NSD1: variants seen among roughly 807,000 people sequenced by gnomAD.
NSD1 encodes nuclear receptor binding SET domain protein 1, also known as histone-lysine N-methyltransferase, H3 lysine-36 specific.
A neutral mutation model predicts 242.7 loss-of-function variants in NSD1; 26 were observed. The ratio of observed to expected loss-of-function variants is 0.11; its 90% CI spans 0.08 to 0.15. The LOEUF (loss-of-function observed/expected upper bound fraction) is 0.15, where lower values mean the gene tolerates loss of function less well. NSD1 is among the 10% of genes least tolerant of loss of function. NSD1 has a pLI of 1.00. For missense variants in NSD1, 2,495 were observed against 3,272.8 expected (o/e 0.76, Z 5.80); for synonymous variants, 1,106 against 1,178.1 (o/e 0.94, Z 1.25).
chr5:177,139,216 A>G (rs1756602012), intron 2 of NSD1, among the ~76,000 whole-genome samples: 1 of 150,552 alleles, frequency 6.6e-6, no homozygotes, highest in Non-Finnish European at 1.5e-5. Context: ...GCCCCATTGC[A>G]CTCTAGCCTG....
At position 177,135,672 on chromosome 5, in the gene NSD1, A is replaced by G. The variant is rs1186156413; in HGVS notation, c.569A>G (p.Asn190Ser). 1.2e-6 allele frequency: 2 copies of G among 1,614,226 alleles called. No individual in the cohort carries two copies. The highest frequency in any genetic ancestry group is 2.2e-5 in the East Asian group (1 of 44,892). The part of the protein sequence containing the change: ...IEEIFEETQT[N>S]ATCNYETKSE... ...GAGATCTTTGAGGAAACTCAGACCA[A>G]TGCCACCTGCAATTATGAGACTAAA... is the stretch of plus-strand genomic sequence containing the variant. Residue 190 changes from asparagine to serine, a missense_variant, in exon 2 of 23, where the codon AAT becomes AGT. Asn to Ser is a conservative substitution (Grantham distance 46). Around this residue, in one of 19 missense-constraint regions of NSD1, gnomAD observed 376 missense variants for 367.4 expected, o/e 1.02. Coordinates refer to ENST00000439151, the MANE Select transcript of NSD1 (RefSeq NM_022455.5).
intron 12 of NSD1, among the ~76,000 whole-genome samples, chr5:177,256,743 AGAC>A (rs1189467938): frequency 6.6e-6 from 1 of 152,148 alleles, no homozygotes; most frequent in East Asian, 1.9e-4. Context: ...CATTTTCTGT[AGAC>A]AATATGTACT....
intron 15 of NSD1, among the ~76,000 whole-genome samples, chr5:177,267,923 T>A (rs947057345): frequency 1.9e-4 from 28 of 147,548 alleles, no homozygotes; most frequent in Admixed American, 9.1e-4. Context: ...TCTGTCGAAA[T>A]TTTTTTTTCT....
chr5:177,260,416 A>T (rs1356898513), intron 14 of NSD1, among the ~76,000 whole-genome samples: 1 of 134,544 alleles, frequency 7.4e-6, no homozygotes, highest in Non-Finnish European at 1.5e-5. Flanking sequence ...GCACAATCTC[A>T]GCTAACTGCA....
At chr5:177,204,778 T>G (rs971384254) in intron 4 of NSD1, among the ~76,000 whole-genome samples, 1 of 148,018 alleles carries the variant, frequency 6.8e-6, no homozygotes, top group African/African-American at 2.6e-5. Context: ...TGCAGGTGGG[T>G]TTTTTTTGTT....
rs773666286 is a variant in NSD1, at chr5:177,238,220, T to G, written c.3922-17T>G. 6.2e-7 allele frequency: 1 copy of G among 1,614,192 alleles called. No homozygotes were observed. Among genetic ancestry groups the G allele is most frequent in the Admixed American group, 1.7e-5 (1 of 60,024 alleles). ...CAATTTTGGCCTGTGGACTCTATTT[T>G]TATTTTTTGTTCTTAGGTAAGTTCC... On this transcript the variant is annotated splice_polypyrimidine_tract_variant and intron_variant, in intron 6 of 22. Transcript: ENST00000439151. The surrounding 1 kb of genome is among the most constrained non-coding windows in gnomAD (Gnocchi z 4.6).
intron 2 of NSD1, among the ~76,000 whole-genome samples, chr5:177,185,920 T>A (rs1373987441): frequency 1.0e-4 from 9 of 86,746 alleles, no homozygotes; most frequent in Admixed American, 2.0e-4. Flanking sequence ...TTATATATAT[T>A]TATATATATA....
rs779087886 is a variant in NSD1 at position 177,211,344 on chromosome 5, G to A, written c.2945G>A (p.Gly982Glu). 5 of 1,614,078 alleles carry A rather than the reference G, an allele frequency of 3.1e-6. No individual in the cohort carries two copies. Among genetic ancestry groups the A allele is most frequent in the South Asian group, 1.1e-5 (1 of 91,080 alleles). The change falls in exon 5 of 23, where the codon GGG (glycine) becomes GAG (glutamate). Residue 982 changes from glycine (G) to glutamate (E), a missense_variant. Transcript: ENST00000439151. ...AACTCCGCCAATCCTAGCCCTAGTG[G>A]GGGTGACTCTGCATTATCTGGCGAG... ...TQNSANPSPSGGDSALSGELS... is the reference protein window; with the variant it reads ...TQNSANPSPSEGDSALSGELS...
intron 3 of NSD1, among the ~76,000 whole-genome samples, chr5:177,192,897 A>G (rs948521988): frequency 6.6e-6 from 1 of 152,188 alleles, no homozygotes; most frequent in Non-Finnish European, 1.5e-5. Flanking sequence ...TAATGTTTAC[A>G]TTGTCCGGAA....
At chr5:177,193,653 G>A (rs1761876258) in intron 3 of NSD1, among the ~76,000 whole-genome samples, 1 of 152,062 alleles carries the variant, frequency 6.6e-6, no homozygotes, top group Admixed American at 6.6e-5. Context: ...ATGTATTTTA[G>A]TTTCTGAAAG....
intron 14 of NSD1, chr5:177,265,257 AT>A (rs1472798835): frequency 1.5e-5 from 11 of 735,442 alleles, no homozygotes; most frequent in Admixed American, 1.3e-4. Flanking sequence ...GTTAAAAAAA[AT>A]AAAAGACCTC....
rs1191359924 is a variant in NSD1, at chr5:177,256,077, CA to C, written c.4766-871del. Among the ~76,000 whole-genome samples, 13 of 152,054 alleles carry C rather than the reference CA, an allele frequency of 8.5e-5. No individual in the cohort carries two copies. The East Asian group carries it at 2.5e-3, about 29-fold the overall frequency. ...TGTCATCTACCAGCCAGTTCATTTT[CA>C]AATTTTCTCATTTGTCTCAGGGATG... On this transcript the variant is annotated intron_variant, in intron 12 of 22. Transcript: ENST00000439151.
At chr5:177,151,232 C>T (rs1004091132) in intron 2 of NSD1, among the ~76,000 whole-genome samples, 3 of 152,054 alleles carry the variant, frequency 2.0e-5, no homozygotes, top group African/African-American at 7.2e-5. Flanking sequence ...AAAAATTAGC[C>T]AGGTGTGATG....
chr5:177,199,786 G>A (rs1762378601), intron 3 of NSD1, among the ~76,000 whole-genome samples: 1 of 151,330 alleles, frequency 6.6e-6, no homozygotes, highest in African/African-American at 2.4e-5. Flanking sequence ...TAGTAGAGAC[G>A]GGGTTTCACC....
At chr5:177,236,852 T>A (rs927333029) in intron 6 of NSD1, among the ~76,000 whole-genome samples, 1 of 152,236 alleles carries the variant, frequency 6.6e-6, no homozygotes, top group Non-Finnish European at 1.5e-5. Flanking sequence ...TTCTTTCTTT[T>A]TTAAAATTGA....
chr5:177,265,646 C>G, intron 14 of NSD1: 1 of 1,605,170 alleles, frequency 6.2e-7, no homozygotes. Flanking sequence ...GGTGAAGTCC[C>G]GGTCCCAGTT....
intron 3 of NSD1, among the ~76,000 whole-genome samples, chr5:177,200,015 T>A (rs965570012): frequency 8.5e-5 from 13 of 152,336 alleles, no homozygotes; most frequent in East Asian, 5.8e-4. Context: ...CCACTAGGAA[T>A]GCATTGGTTC....
intron 2 of NSD1, among the ~76,000 whole-genome samples, chr5:177,148,232 C>T (rs1290362535): frequency 6.6e-6 from 1 of 151,520 alleles, no homozygotes; most frequent in Non-Finnish European, 1.5e-5. Flanking sequence ...ATTGTCCTTT[C>T]TCAGCCTCGC....
chr5:177,214,296 T>C (rs1763595744), intron 5 of NSD1, among the ~76,000 whole-genome samples: 1 of 152,118 alleles, frequency 6.6e-6, no homozygotes, highest in Non-Finnish European at 1.5e-5. Flanking sequence ...TGCAGTGAGC[T>C]GAGATTGCGC....
Sources: allele counts gnomAD v4.1 joint callset (sites outside exome capture counted in the v4.1 genomes callset), GRCh38; gene constraint gnomAD v4.1.1; regional missense constraint gnomAD v4.1.1; non-coding constraint Gnocchi (gnomAD v3.1); transcripts MANE v1.5; gene names NCBI Gene and HGNC (gene_info 2026-07-23, HGNC 2026-07-21).